The following ZFP64 variants were observed in gnomAD, a reference collection of about 807,000 sequenced individuals.
ZFP64 encodes the protein ZFP64 zinc finger protein, also known as zinc finger protein 64.
Under a neutral mutation model 51.6 loss-of-function variants are expected in ZFP64, and 14 were observed. The observed-to-expected ratio is 0.27, with a 90% confidence interval of 0.18 to 0.42. The LOEUF (loss-of-function observed/expected upper bound fraction) is 0.42, where lower values mean the gene tolerates loss of function less well. Ranked by LOEUF, ZFP64 falls within the 10% of genes least tolerant of loss-of-function variation. The probability of loss-of-function intolerance (pLI) is 1.00; values close to 1 mark genes in which losing one functional copy is unlikely to be tolerated. For missense variants in ZFP64, 754 were observed against 906.8 expected, an observed-to-expected ratio of 0.83 and a Z score of 2.16; for synonymous variants, 375 against 361.4, an observed-to-expected ratio of 1.04 and a Z score of -0.43.
intron 5 of ZFP64, among the ~76,000 whole-genome samples, chr20:52,113,208 C>T (rs1978685851): frequency 6.7e-6 from 1 of 150,034 alleles, no homozygotes. Context: ...GTGGCGGGTG[C>T]CTGTAGTCCC....
intron 8 of ZFP64, among the ~76,000 whole-genome samples, chr20:52,087,328 T>A (rs1177768775): frequency 6.6e-6 from 1 of 152,230 alleles, no homozygotes; most frequent in Non-Finnish European, 1.5e-5. Flanking sequence ...ACTTCAGGAC[T>A]GGCTCTTATT....
chr20:52,092,763 C>T (rs187556958), intron 7 of ZFP64, among the ~76,000 whole-genome samples: 5 of 152,104 alleles, frequency 3.3e-5, no homozygotes, highest in East Asian at 1.9e-4. Context: ...GGCTGAGGCA[C>T]GAGAATCACT....
chr20:52,140,938 T>C (rs553948466), intron 5 of ZFP64, among the ~76,000 whole-genome samples: 48 of 152,282 alleles, frequency 3.2e-4, no homozygotes, highest in African/African-American at 1.1e-3. Context: ...CCAGTGCTCA[T>C]TTACCATTCC....
intron 5 of ZFP64, among the ~76,000 whole-genome samples, chr20:52,115,196 T>G (rs536809872): frequency 2.4e-5 from 1 of 40,826 alleles, no homozygotes; most frequent in Non-Finnish European, 5.8e-5. Context: ...AGAGTGAGTC[T>G]CAAAAAAAAA....
chr20:52,098,172 C>CAAAAA (rs34173401), intron 6 of ZFP64, among the ~76,000 whole-genome samples: 11 of 124,056 alleles, frequency 8.9e-5, no homozygotes, highest in African/African-American at 2.2e-4. Flanking sequence ...AAACTGTCTC[C>CAAAAA]AAAAAAAAAA....
downstream of ZFP64, among the ~76,000 whole-genome samples, chr20:52,147,040 T>C (rs6021744): frequency 0.36 from 55,035 of 152,090 alleles, 10,661 homozygotes; most frequent in Non-Finnish European, 0.42. Context: ...TTGATAAAAT[T>C]CAGCAAGCTA....
chr20:52,100,488 C>G (rs960593160), intron 5 of ZFP64, among the ~76,000 whole-genome samples: 4 of 152,070 alleles, frequency 2.6e-5, no homozygotes, highest in Non-Finnish European at 5.9e-5. Context: ...TCAAGTGATC[C>G]GCCCATCTCA....
At chr20:52,114,975 A>C (rs1978784929) in intron 5 of ZFP64, among the ~76,000 whole-genome samples, 1 of 152,190 alleles carries the variant, frequency 6.6e-6, no homozygotes, top group South Asian at 2.1e-4. Context: ...AGGCAGGCAG[A>C]TCACGAGGTC....
At chr20:52,139,999 T>C (rs978677840) in intron 5 of ZFP64, among the ~76,000 whole-genome samples, 3 of 152,114 alleles carry the variant, frequency 2.0e-5, no homozygotes, top group African/African-American at 4.8e-5. Context: ...ATTATTATTA[T>C]ATCTGTTATG....
chr20:52,153,497 A>C lies in ZFP64; in HGVS notation c.764-69T>G. 1.3e-6 allele frequency: 2 copies of C among 1,528,490 alleles called. No homozygotes were observed. Among genetic ancestry groups the C allele is most frequent in the Admixed American group, 4.0e-5 (2 of 49,680 alleles). 94.7% of individuals were successfully genotyped at this position (1,528,490 alleles called of 1,614,324 possible). A position where few individuals can be genotyped will look rare whatever the true frequency, so the allele number is the denominator to read the frequency against. On this transcript the variant is annotated intron_variant, in intron 5 of 5. Coordinates refer to ENST00000216923, the MANE Select transcript of ZFP64 (RefSeq NM_018197.3). This position sits in a 1 kb window ranked among gnomAD's most constrained non-coding sequence, Gnocchi z 5.1. The stretch of plus-strand genomic sequence containing the variant: ...ACCACAGCGGATCCCCCCGAAGCAC[A>C]CACCAGAAAATCGCTTATACAAGGT...
chr20:52,172,475 A>G (rs1600800434), intron 2 of ZFP64, among the ~76,000 whole-genome samples: 1 of 152,028 alleles, frequency 6.6e-6, no homozygotes, highest in East Asian at 1.9e-4. Context: ...ACTATGCATA[A>G]TAGGTTATTA....
chr20:52,146,584 TG>T (rs1980540772), downstream of ZFP64, among the ~76,000 whole-genome samples: 1 of 67,922 alleles, frequency 1.5e-5, no homozygotes, highest in Middle Eastern at 0.012. Flanking sequence ...TGTTGTGGGG[TG>T]GGGGGAGGGG....
rs368408323 is a variant in ZFP64 at position 52,152,691 on chromosome 20, C to T, written c.1501G>A (p.Val501Ile). The change falls in exon 6 of 6, where the codon GTT becomes ATT. Residue 501 changes from valine (V) to isoleucine (I), a missense_variant. Physicochemically the swap from Val to Ile is conservative, Grantham distance 29 (BLOSUM62 3). Transcript: ENST00000216923. ...TTCGCCTGGGGCACCTGATGCCCAA[C>T]GATGATTTTGACTCTTCCCTCGCTG... ...QFSEGRVKIIVGHQVPQANTI... is the reference protein window; with the variant it reads ...QFSEGRVKIIIGHQVPQANTI... The T allele has an allele frequency of 2.6e-6, 4 of 1,549,110 alleles. No individual in the cohort carries two copies. Among genetic ancestry groups the T allele is most frequent in the South Asian group, 1.2e-5 (1 of 80,562 alleles).
intron 5 of ZFP64, among the ~76,000 whole-genome samples, chr20:52,145,949 T>G (rs1980503942): frequency 6.6e-6 from 1 of 152,240 alleles, no homozygotes; most frequent in Non-Finnish European, 1.5e-5. Context: ...TTTTGACTTA[T>G]CAAAATCTTT....
chr20:52,154,408 T>C (rs979355730), intron 5 of ZFP64, among the ~76,000 whole-genome samples: 2 of 152,112 alleles, frequency 1.3e-5, no homozygotes, highest in Non-Finnish European at 2.9e-5. Flanking sequence ...GGTCGCCCCG[T>C]AGTACAAAGA....
intron 5 of ZFP64, among the ~76,000 whole-genome samples, chr20:52,120,206 C>T (rs1428070925): frequency 2.0e-5 from 3 of 152,116 alleles, no homozygotes; most frequent in Admixed American, 6.6e-5. Flanking sequence ...TTGGACTTTC[C>T]AGCCTCTAGA....
intron 5 of ZFP64, chr20:52,105,494 C>G (rs117092663): frequency 4.1e-6 from 2 of 492,498 alleles, no homozygotes; most frequent in Non-Finnish European, 6.2e-6. Context: ...TGCAGACTCT[C>G]GGGCTCTACC....
Position 52,186,700 on chromosome 20 carries a change from G to A in ZFP64, c.286+132C>T. The A allele has an allele frequency of 2.3e-6, 3 of 1,294,056 alleles. No homozygotes were observed. The South Asian group carries it at 5.6e-5, about 24-fold the overall frequency. 80.2% of individuals were successfully genotyped at this position (1,294,056 alleles called of 1,614,324 possible). ...GCTGGGCAGCTGGCTTCCTGGTGGA[G>A]CTTGTTAAAAATAATGAATCAGCAA... On this transcript the variant is annotated intron_variant, in intron 2 of 5. Coordinates refer to ENST00000216923, the MANE Select transcript of ZFP64 (RefSeq NM_018197.3).
chr20:52,142,638 G>C (rs1416671713), intron 5 of ZFP64, among the ~76,000 whole-genome samples: 1 of 151,420 alleles, frequency 6.6e-6, no homozygotes, highest in African/African-American at 2.4e-5. Context: ...TTAGGAGTTT[G>C]AGACCAGCCT....
Sources: gnomAD v4.1 joint callset for allele counts (sites outside exome capture counted in the v4.1 genomes callset) on GRCh38, gnomAD v4.1.1 for gene constraint, Gnocchi (gnomAD v3.1) non-coding constraint, MANE v1.5 for transcripts, NCBI Gene and HGNC (gene_info 2026-07-23, HGNC 2026-07-21) for gene names.